The following PCP4L1 variants were observed in gnomAD, a reference collection of about 807,000 sequenced individuals.
PCP4L1 encodes Purkinje cell protein 4-like protein 1.
In PCP4L1, 9 loss-of-function variants were observed where a neutral mutation model predicts 9.6. The observed-to-expected ratio is 0.94, with a 90% CI of 0.57 to 1.64. The LOEUF (loss-of-function observed/expected upper bound fraction) is 1.64, where lower values mean the gene tolerates loss of function less well. Ranked by LOEUF, PCP4L1 falls within the 40% of genes most tolerant of loss-of-function variation. PCP4L1 has a pLI of 0.00. For synonymous variants in PCP4L1, 31 were observed against 28.2 expected (o/e 1.10, Z -0.31); for missense variants, 81 against 80.8 (o/e 1.00, Z -0.01).
intron 1 of PCP4L1, among the ~76,000 whole-genome samples, chr1:161,259,731 A>G (rs1328264398): frequency 6.6e-6 from 1 of 152,184 alleles, no homozygotes; most frequent in African/African-American, 2.4e-5. Context: ...CCTATTGTCT[A>G]TTTGTAGGCA....
At chr1:161,279,180 A>G (rs1043413042) in intron 1 of PCP4L1, among the ~76,000 whole-genome samples, 2 of 152,178 alleles carry the variant, frequency 1.3e-5, no homozygotes, top group African/African-American at 4.8e-5. Context: ...ATCTTTTCCC[A>G]CACATTCACA....
At chr1:161,268,655 T>C (rs963188064) in intron 1 of PCP4L1, among the ~76,000 whole-genome samples, 2 of 149,418 alleles carry the variant, frequency 1.3e-5, no homozygotes, top group African/African-American at 2.5e-5. Context: ...GTTCAAGTGA[T>C]TCTCCTGCTT....
chr1:161,284,363 C>T lies in PCP4L1; in HGVS notation c.89C>T (p.Ala30Val), dbSNP rs184737246. The T allele has an allele frequency of 1.5e-4, 250 of 1,613,640 alleles. No homozygotes were observed. The highest frequency in any genetic ancestry group is 2.0e-4 in the Non-Finnish European group (236 of 1,179,798). ...EKGKAGNVKKAEEEEEIDIDL... is the reference protein window; with the variant it reads ...EKGKAGNVKKVEEEEEIDIDL... ...GGAAAAGCTGGCAATGTCAAGAAGG[C>T]GGAGGAGGAGGAGGAGATTGACATT... The change falls in exon 3 of 3, where the codon GCG becomes GTG. Residue 30 changes from alanine to valine, a missense_variant. By Grantham distance (64) the Ala-to-Val change is moderately conservative. Coordinates refer to ENST00000504449, the MANE Select transcript of PCP4L1 (RefSeq NM_001102566.2).
chr1:161,279,839 A>AT (rs1023494324), intron 1 of PCP4L1, among the ~76,000 whole-genome samples: 16 of 151,326 alleles, frequency 1.1e-4, no homozygotes, highest in African/African-American at 2.7e-4. Context: ...GGGAATTACT[A>AT]TTTTTTTTTA....
chr1:161,281,446 C>T (rs1014484304), intron 1 of PCP4L1, among the ~76,000 whole-genome samples: 29 of 149,828 alleles, frequency 1.9e-4, no homozygotes, highest in Middle Eastern at 3.7e-3. Flanking sequence ...ACCTCCCGGA[C>T]GGGGCGGCTG....
chr1:161,258,809 G>C lies in PCP4L1; in HGVS notation c.-166G>C. 1 of 1,096,806 alleles carries C rather than the reference G, an allele frequency of 9.1e-7. No homozygotes were observed. Among genetic ancestry groups the C allele is most frequent in the Non-Finnish European group, 1.3e-6 (1 of 758,338 alleles). 67.9% of individuals were successfully genotyped at this position (1,096,806 alleles called of 1,614,324 possible). A position where few individuals can be genotyped will look rare whatever the true frequency, so the allele number is the denominator to read the frequency against. Reference sequence around the variant, plus strand: ...CCGGAGCTGGGCTCCGAGAATCCCGGGTGCCAGCACCAGAGCAGCGGCTCT... The same window carrying C: ...CCGGAGCTGGGCTCCGAGAATCCCGCGTGCCAGCACCAGAGCAGCGGCTCT... On this transcript the variant is annotated 5_prime_UTR_variant, in exon 1 of 3. Transcript: ENST00000504449.
chr1:161,261,357 C>A (rs1669413186), intron 1 of PCP4L1, among the ~76,000 whole-genome samples: 4 of 152,158 alleles, frequency 2.6e-5, no homozygotes, highest in Admixed American at 2.6e-4. Context: ...CTCTGCCTTG[C>A]CTTTGTGGCT....
At chr1:161,280,986 A>C (rs9699850) in intron 1 of PCP4L1, among the ~76,000 whole-genome samples, 4 of 152,124 alleles carry the variant, frequency 2.6e-5, no homozygotes, top group Admixed American at 1.3e-4. Flanking sequence ...GAGGACCCTG[A>C]GGCCTTCTGC....
chr1:161,268,182 G>A (rs1278346155), intron 1 of PCP4L1, among the ~76,000 whole-genome samples: 1 of 152,062 alleles, frequency 6.6e-6, no homozygotes, highest in Non-Finnish European at 1.5e-5. Flanking sequence ...GTTCCCAGAG[G>A]TTTAGAGCCA....
intron 1 of PCP4L1, among the ~76,000 whole-genome samples, chr1:161,278,561 G>A (rs1375119976): frequency 3.3e-5 from 5 of 150,590 alleles, no homozygotes; most frequent in Admixed American, 1.3e-4. Context: ...GAGCCACCAC[G>A]CCCAGCCAGT....
chr1:161,281,782 CCGGACGGGGCGGCGGGG>C (rs2102242738), intron 1 of PCP4L1, among the ~76,000 whole-genome samples: 1 of 22,852 alleles, frequency 4.4e-5, no homozygotes, highest in South Asian at 1.5e-3. Context: ...TCCTCACATC[CCGGACGGGGCGGCGGGG>C]CAGAGGCGCT....
At chr1:161,261,352 C>T (rs1199599689) in intron 1 of PCP4L1, among the ~76,000 whole-genome samples, 1 of 152,212 alleles carries the variant, frequency 6.6e-6, no homozygotes, top group Non-Finnish European at 1.5e-5. Flanking sequence ...TCTGGCTCTG[C>T]CTTGCCTTTG....
chr1:161,274,836 G>A (rs1310132293), intron 1 of PCP4L1, among the ~76,000 whole-genome samples: 2 of 152,052 alleles, frequency 1.3e-5, no homozygotes, highest in Admixed American at 6.5e-5. Context: ...AGGGGCAGGA[G>A]GTAAAAGCTC....
At chr1:161,282,949 C>A (rs866221328) in intron 1 of PCP4L1, among the ~76,000 whole-genome samples, 1 of 152,162 alleles carries the variant, frequency 6.6e-6, no homozygotes, top group Non-Finnish European at 1.5e-5. Context: ...AACCTCTTAA[C>A]AGATTTTTCT....
intron 1 of PCP4L1, among the ~76,000 whole-genome samples, chr1:161,260,218 A>G (rs1318940678): frequency 6.6e-6 from 1 of 152,152 alleles, no homozygotes; most frequent in Non-Finnish European, 1.5e-5. Flanking sequence ...AAAAGTTGTC[A>G]CCCAGGGAGC....
chr1:161,259,292 A>G (rs1417480878), intron 1 of PCP4L1, among the ~76,000 whole-genome samples: 1 of 151,984 alleles, frequency 6.6e-6, no homozygotes, highest in Non-Finnish European at 1.5e-5. Flanking sequence ...TGCCCCCTGC[A>G]TCTGTCTTAC....
chr1:161,272,558 CAAAAAAAAAA>C (rs551047419), intron 1 of PCP4L1, among the ~76,000 whole-genome samples: 1 of 71,856 alleles, frequency 1.4e-5, no homozygotes, highest in African/African-American at 4.9e-5. Flanking sequence ...AACTCCGTCT[CAAAAAAAAAA>C]AAAAAAAAAA....
At chr1:161,270,320 A>G (rs1298159207) in intron 1 of PCP4L1, among the ~76,000 whole-genome samples, 1 of 152,080 alleles carries the variant, frequency 6.6e-6, no homozygotes, top group Non-Finnish European at 1.5e-5. Flanking sequence ...TAATAAAATT[A>G]AAAAGAATTT....
At chr1:161,281,442 C>A (rs1438435813) in intron 1 of PCP4L1, among the ~76,000 whole-genome samples, 3 of 151,194 alleles carry the variant, frequency 2.0e-5, no homozygotes, top group African/African-American at 2.4e-5. Flanking sequence ...CCCCACCTCC[C>A]GGACGGGGCG....
Sources: allele counts gnomAD v4.1 joint callset (sites outside exome capture counted in the v4.1 genomes callset), GRCh38; gene constraint gnomAD v4.1.1; transcripts MANE v1.5; gene names NCBI Gene and HGNC (gene_info 2026-07-23, HGNC 2026-07-21).